SLC22A14: variants seen among roughly 807,000 people sequenced by gnomAD.
SLC22A14 encodes the protein organic cation transporter-like 4.
A neutral mutation model predicts 53.9 loss-of-function variants in SLC22A14; 50 were observed. The ratio of observed to expected loss-of-function variants is 0.93; its 90% CI spans 0.74 to 1.17. The LOEUF (loss-of-function observed/expected upper bound fraction) is 1.17. Among genes scored for constraint, SLC22A14 ranks in the 50% most tolerant of loss-of-function variants. SLC22A14 has a pLI of 0.00. For missense variants in SLC22A14, 671 were observed against 734.7 expected, an observed-to-expected ratio of 0.91 and a Z score of 1.00; for synonymous variants, 312 against 303.0, an observed-to-expected ratio of 1.03 and a Z score of -0.31.
At chr3:38,313,693 T>TGTGTGTGTGTGTGTGCGCGCGCGCGCGC in intron 7 of SLC22A14, 34 bp from the exon 8 acceptor site, 1 of 1,333,662 alleles carries the variant, frequency 7.5e-7, no homozygotes, top group Non-Finnish European at 1.1e-6. Context: ...TGTGCGCGCG[T>TGTGTGTGTGTGTGTGCGCGCGCGCGCGC]GTGCACGCGC....
In SLC22A14 at chr3:38,309,008, G is replaced by T; in HGVS notation, c.830G>T (p.Cys277Phe). Reference sequence around the variant, plus strand: ...GCCCATGCCATTATCCTGGGACACTGCTTTTTCGCTGTTGGGGCCGTGTTG... The same window carrying T: ...GCCCATGCCATTATCCTGGGACACTTCTTTTTCGCTGTTGGGGCCGTGTTG... ...HRAHAIILGH[C>F]FFAVGAVLLT... Residue 277 changes from cysteine to phenylalanine, a missense_variant, in exon 5 of 11, where the codon TGC becomes TTC. By Grantham distance (205) the Cys-to-Phe change is radical. Transcript: ENST00000448498. 2 of 1,614,150 alleles carry T rather than the reference G, an allele frequency of 1.2e-6. No homozygotes were observed. The highest frequency in any genetic ancestry group is 3.3e-5 in the Admixed American group (2 of 60,032).
intron 1 of SLC22A14, among the ~76,000 whole-genome samples, chr3:38,290,792 A>G (rs1426262329): frequency 6.6e-6 from 1 of 152,168 alleles, no homozygotes; most frequent in Non-Finnish European, 1.5e-5. Context: ...AACCCATACT[A>G]GGGGTCCTTC....
chr3:38,281,632 C>T (rs1307298392), upstream of SLC22A14, among the ~76,000 whole-genome samples: 4 of 152,202 alleles, frequency 2.6e-5, no homozygotes, highest in African/African-American at 4.8e-5. Flanking sequence ...TAACAGATTA[C>T]ACTCATGACC....
rs1350493602 is a variant in SLC22A14 at position 38,309,003 on chromosome 3, A to G, written c.825A>G (p.Gly275=). The G allele has an allele frequency of 1.2e-6, 2 of 1,614,152 alleles. No homozygotes were observed. Among genetic ancestry groups the G allele is most frequent in the Non-Finnish European group, 1.7e-6 (2 of 1,179,968 alleles). The change falls in exon 5 of 11, where the codon GGA becomes GGG. Residue 275 remains glycine, a synonymous_variant. Transcript: ENST00000448498. The part of the protein sequence containing the change: ...GEHRAHAIIL[G]HCFFAVGAVL... Reference sequence around the variant, plus strand: ...ACCGGGCCCATGCCATTATCCTGGGACACTGCTTTTTCGCTGTTGGGGCCG... The same window carrying G: ...ACCGGGCCCATGCCATTATCCTGGGGCACTGCTTTTTCGCTGTTGGGGCCG...
intron 1 of SLC22A14, among the ~76,000 whole-genome samples, chr3:38,302,073 A>G (rs1704172568): frequency 6.6e-6 from 1 of 150,904 alleles, no homozygotes; most frequent in South Asian, 2.1e-4. Context: ...TCTCTACTAA[A>G]AAATACAAAA....
intron 1 of SLC22A14, among the ~76,000 whole-genome samples, chr3:38,293,072 G>A (rs1177834955): frequency 6.6e-6 from 1 of 152,160 alleles, no homozygotes; most frequent in Non-Finnish European, 1.5e-5. Flanking sequence ...GAGGGTGATG[G>A]CATGGGCTGG....
intron 1 of SLC22A14, among the ~76,000 whole-genome samples, chr3:38,294,147 C>T (rs986895909): frequency 1.3e-5 from 2 of 151,052 alleles, no homozygotes; most frequent in South Asian, 2.1e-4. Flanking sequence ...ATTGTTTACC[C>T]CTTTGTTTAT....
rs767484064 is a variant in SLC22A14, at chr3:38,306,272, C to T, written c.246C>T (p.Phe82=). 1.3e-5 allele frequency: 21 copies of T among 1,614,214 alleles called. No individual in the cohort carries two copies. In the Admixed American group the frequency reaches 3.0e-4, roughly 23 times the overall value. The change falls in exon 2 of 11, where the codon TTC becomes TTT. Residue 82 remains phenylalanine (F), a synonymous_variant. Transcript: ENST00000448498. ...TTATCCCCAGCATCATGTCGGCCTT[C>T]TTCATGTTTGCTGACCACTTCGTGT... ...LTFIPSIMSA[F]FMFADHFVFT...
Position 38,318,561 on chromosome 3 carries a change from C to A in SLC22A14, c.*312C>A. On this transcript the variant is annotated 3_prime_UTR_variant, in exon 11 of 11. Coordinates refer to ENST00000448498, the MANE Select transcript of SLC22A14 (RefSeq NM_001320033.2). ...GCTGTGATTCATTCCAATAAAGGTA[C>A]AATGTTGGTCTTGAGATGGCTGGGT... The A allele has an allele frequency of 3.3e-6, 1 of 302,624 alleles. No individual in the cohort carries two copies. 18.7% of individuals were successfully genotyped at this position (302,624 alleles called of 1,614,324 possible).
At chr3:38,302,515 G>A (rs147339656) in intron 1 of SLC22A14, among the ~76,000 whole-genome samples, 6 of 152,042 alleles carry the variant, frequency 3.9e-5, no homozygotes, top group Non-Finnish European at 5.9e-5. Context: ...AAATTAGCCA[G>A]GTGTGGTGGG....
At chr3:38,286,126 C>T (rs998011273) in intron 1 of SLC22A14, among the ~76,000 whole-genome samples, 1 of 152,168 alleles carries the variant, frequency 6.6e-6, no homozygotes. Context: ...CCTGTAATCC[C>T]AGCTACTTGG....
At chr3:38,284,576 A>C (rs1703747960) in intron 1 of SLC22A14, among the ~76,000 whole-genome samples, 1 of 152,212 alleles carries the variant, frequency 6.6e-6, no homozygotes. Flanking sequence ...TGAGAGGAAG[A>C]ACTTAGAAAG....
intron 5 of SLC22A14, among the ~76,000 whole-genome samples, chr3:38,311,361 G>A (rs1392140211): frequency 6.6e-6 from 1 of 152,174 alleles, no homozygotes; most frequent in African/African-American, 2.4e-5. Context: ...TGTCCTCAAG[G>A]ATAGTGCCTG....
At position 38,316,366 on chromosome 3, in the gene SLC22A14, A is replaced by G. The variant is rs750634563; in HGVS notation, c.1575A>G (p.Gly525=). 3.1e-6 allele frequency: 5 copies of G among 1,613,908 alleles called. No homozygotes were observed. Among genetic ancestry groups the G allele is most frequent in the Non-Finnish European group, 4.2e-6 (5 of 1,179,984 alleles). The change falls in exon 10 of 11, where the codon GGA becomes GGG. Residue 525 remains glycine (G), a synonymous_variant. Coordinates refer to ENST00000448498, the MANE Select transcript of SLC22A14 (RefSeq NM_001320033.2). The stretch of plus-strand genomic sequence containing the variant: ...TGGTGTCTCTGGCCTCGGTGGCTGG[A>G]GCCATCTTGTCCCTGACAATCATCA... ...LGLVSLASVA[G]AILSLTIISQ...
At chr3:38,298,179 T>G (rs1023380898) in intron 1 of SLC22A14, among the ~76,000 whole-genome samples, 38 of 152,298 alleles carry the variant, frequency 2.5e-4, no homozygotes, top group African/African-American at 8.9e-4. Context: ...TCAGTTTGGC[T>G]CCTGTGTTCT....
intron 1 of SLC22A14, among the ~76,000 whole-genome samples, chr3:38,291,396 A>G (rs1041682309): frequency 2.0e-5 from 3 of 152,222 alleles, no homozygotes; most frequent in African/African-American, 7.2e-5. Context: ...GCACAAGTGC[A>G]CAGTTGCGGC....
upstream of SLC22A14, among the ~76,000 whole-genome samples, chr3:38,279,792 T>TTTG (rs1449850724): frequency 3.0e-4 from 46 of 152,258 alleles, no homozygotes; most frequent in Middle Eastern, 3.4e-3. Flanking sequence ...TGGTTGTGTA[T>TTTG]CTCCTTGATT....
At position 38,307,754 on chromosome 3, in the gene SLC22A14, G is replaced by A. The variant is rs199741711; in HGVS notation, c.775+34G>A. 2.6e-4 allele frequency: 411 copies of A among 1,611,308 alleles called. 2 individuals are homozygous for A. Among genetic ancestry groups the A allele is most frequent in the Non-Finnish European group, 5.0e-5 (59 of 1,178,542 alleles). The stretch of plus-strand genomic sequence containing the variant: ...GGGCCTCAATGGGGCAGGGCAGGGT[G>A]GCACAGGGGCATGGCGGCATAGGCG... On this transcript the variant is annotated intron_variant, in intron 4 of 10. Coordinates refer to ENST00000448498, the MANE Select transcript of SLC22A14 (RefSeq NM_001320033.2). The surrounding 1 kb of genome is among the most constrained non-coding windows in gnomAD (Gnocchi z 4.4).
chr3:38,298,773 C>T (rs917386443), intron 1 of SLC22A14, among the ~76,000 whole-genome samples: 1 of 152,170 alleles, frequency 6.6e-6, no homozygotes, highest in Admixed American at 6.6e-5. Context: ...CCAGGCTGGT[C>T]TTGAACTCCT....
Sources: gnomAD v4.1 joint callset for allele counts (sites outside exome capture counted in the v4.1 genomes callset) on GRCh38, gnomAD v4.1.1 for gene constraint, Gnocchi (gnomAD v3.1) non-coding constraint, MANE v1.5 for transcripts, NCBI Gene and HGNC (gene_info 2026-07-23, HGNC 2026-07-21) for gene names.